The following CELSR1 variants were observed in gnomAD, a reference collection of about 807,000 sequenced individuals.
CELSR1 encodes the protein adhesion G protein-coupled receptor C1.
In CELSR1, 110 loss-of-function variants were observed where a neutral mutation model predicts 249.1. The observed-to-expected ratio is 0.44, with a 90% CI of 0.38 to 0.52. The LOEUF (loss-of-function observed/expected upper bound fraction) is 0.52. Among genes scored for constraint, CELSR1 ranks in the 20% least tolerant of loss-of-function variants. The pLI is 0.00. For synonymous variants in CELSR1, 2,113 were observed against 1,900.0 expected, an observed-to-expected ratio of 1.11 and a Z score of -2.92; for missense variants, 4,109 against 4,296.4, an observed-to-expected ratio of 0.96 and a Z score of 1.22.
intron 14 of CELSR1, among the ~76,000 whole-genome samples, chr22:46,392,595 T>TG (rs1340845231): frequency 2.0e-5 from 3 of 152,222 alleles, no homozygotes; most frequent in African/African-American, 7.2e-5. Context: ...CTCACTGTGT[T>TG]GCCCAGTCTG....
Position 46,446,667 on chromosome 22 carries a change from T to C in CELSR1, c.4184-7256A>G, listed in dbSNP as rs939620642. Among the ~76,000 whole-genome samples, 8 of 151,878 alleles carry C rather than the reference T, an allele frequency of 5.3e-5. No homozygotes were observed. Among genetic ancestry groups the C allele is most frequent in the African/African-American group, 1.7e-4 (7 of 41,336 alleles). On this transcript the variant is annotated intron_variant, in intron 2 of 34. Transcript: ENST00000674500. The surrounding 1 kb of genome is among the most constrained non-coding windows in gnomAD (Gnocchi z 5.5). ...ACTGACAGACACTTGTGAAATGAAG[T>C]CAAAAAATGCCAGGATTTCCCCAGT...
intron 5 of CELSR1, among the ~76,000 whole-genome samples, chr22:46,431,859 C>G (rs1319197039): frequency 6.6e-6 from 1 of 152,248 alleles, no homozygotes; most frequent in African/African-American, 2.4e-5. Flanking sequence ...CTGAGCCCCT[C>G]ACCCCACCAG....
rs888458693 is a variant in CELSR1 at position 46,382,779 on chromosome 22, G to A, written c.6884-729C>T. On this transcript the variant is annotated intron_variant, in intron 20 of 34. Coordinates refer to ENST00000674500, the MANE Select transcript of CELSR1 (RefSeq NM_001378328.1). ...GGTGAACCTAGCGGACATTAGGCTC[G>A]GTGAAATAAGCCAATCACAAAAGGA... Among the ~76,000 whole-genome samples the A allele has an allele frequency of 3.3e-5, 5 of 152,272 alleles. No individual in the cohort carries two copies. In the South Asian group the frequency reaches 6.2e-4, roughly 19 times the overall value.
intron 1 of CELSR1, among the ~76,000 whole-genome samples, chr22:46,477,478 A>G (rs971050004): frequency 2.1e-4 from 32 of 151,162 alleles, no homozygotes; most frequent in Admixed American, 1.8e-3. Context: ...TGAGTGGCCA[A>G]CGAGCCTGTT....
chr22:46,436,631 G>C lies in CELSR1; in HGVS notation c.4407-342C>G, dbSNP rs2079665025. ...GCAAAGCACGTGCTGTACATTTTCT[G>C]CTGCTGTGAACAGATCCCCCCGTGT... On this transcript the variant is annotated intron_variant, in intron 3 of 34. Transcript: ENST00000674500. The surrounding 1 kb of genome is among the most constrained non-coding windows in gnomAD (Gnocchi z 5.9). Among the ~76,000 whole-genome samples, 1 of 152,148 alleles carries C rather than the reference G, an allele frequency of 6.6e-6. No homozygotes were observed. The highest frequency in any genetic ancestry group is 1.5e-5 in the Non-Finnish European group (1 of 68,028).
In CELSR1 at chr22:46,440,841, G is replaced by A. The variant is rs995548224; in HGVS notation, c.4184-1430C>T. On this transcript the variant is annotated intron_variant, in intron 2 of 34. Transcript: ENST00000674500. This position sits in a 1 kb window ranked among gnomAD's most constrained non-coding sequence, Gnocchi z 4.7. ...ATCCATTTTTTTCTTCATGGCTCTG[G>A]TCATCTTGGGTTGTTAAAAGACTGC... Among the ~76,000 whole-genome samples, 3 of 151,964 alleles carry A rather than the reference G, an allele frequency of 2.0e-5. No individual in the cohort carries two copies. The highest frequency in any genetic ancestry group is 7.2e-5 in the African/African-American group (3 of 41,388).
chr22:46,443,405 A>T (rs2079778018), intron 2 of CELSR1, among the ~76,000 whole-genome samples: 1 of 151,996 alleles, frequency 6.6e-6, no homozygotes, highest in Non-Finnish European at 1.5e-5. Flanking sequence ...GGGGTTTCCC[A>T]CCCCACTCAG....
At chr22:46,385,876 A>G (rs2079027621) in intron 19 of CELSR1, among the ~76,000 whole-genome samples, 1 of 150,858 alleles carries the variant, frequency 6.6e-6, no homozygotes, top group African/African-American at 2.4e-5. Flanking sequence ...ACGGGGTTTC[A>G]CCATGTTAGC....
intron 1 of CELSR1, among the ~76,000 whole-genome samples, chr22:46,469,669 C>A (rs1166866219): frequency 1.3e-5 from 2 of 151,834 alleles, no homozygotes; most frequent in Admixed American, 1.3e-4. Flanking sequence ...ACGTACACCA[C>A]CACGCCTGGC....
intron 5 of CELSR1, among the ~76,000 whole-genome samples, chr22:46,420,416 TCA>T (rs992094517): frequency 4.6e-5 from 7 of 150,872 alleles, no homozygotes; most frequent in Middle Eastern, 3.5e-3. Flanking sequence ...GTGTGCTTCT[TCA>T]CACACGTGCA....
chr22:46,520,120 C>T (rs1276915287), intron 1 of CELSR1, among the ~76,000 whole-genome samples: 9 of 151,898 alleles, frequency 5.9e-5, no homozygotes, highest in Non-Finnish European at 1.2e-4. Flanking sequence ...GTGATCCACC[C>T]GCCTCGGCCT....
At chr22:46,503,527 C>T (rs2080485828) in intron 1 of CELSR1, among the ~76,000 whole-genome samples, 1 of 152,284 alleles carries the variant, frequency 6.6e-6, no homozygotes, top group South Asian at 2.1e-4. Flanking sequence ...ACTCAACCAA[C>T]TGCATCCAGC....
At chr22:46,533,233 T>C (rs575080073) in intron 1 of CELSR1, among the ~76,000 whole-genome samples, 1 of 152,184 alleles carries the variant, frequency 6.6e-6, no homozygotes, top group Non-Finnish European at 1.5e-5. Context: ...GGCAGTGACC[T>C]CTGATCTTCC....
In CELSR1 at chr22:46,390,888, C is replaced by T. The variant is rs934734546; in HGVS notation, c.6250+298G>A. Among the ~76,000 whole-genome samples, 13 of 152,204 alleles carry T rather than the reference C, an allele frequency of 8.5e-5. No individual in the cohort carries two copies. Among genetic ancestry groups the T allele is most frequent in the South Asian group, 2.1e-4 (1 of 4,834 alleles). ...ATGTCCCCATTTCACAGAGGTAACC[C>T]GATGCTATGAACAGTGAAGCCACTT... On this transcript the variant is annotated intron_variant, in intron 16 of 34. Coordinates refer to ENST00000674500, the MANE Select transcript of CELSR1 (RefSeq NM_001378328.1). This position sits in a 1 kb window ranked among gnomAD's most constrained non-coding sequence, Gnocchi z 6.3.
In CELSR1 at chr22:46,535,229, C is replaced by G; in HGVS notation, c.1942G>C (p.Glu648Gln). The change falls in exon 1 of 35, where the codon GAG (glutamate) becomes CAG (glutamine). Residue 648 changes from glutamate to glutamine, a missense_variant. Transcript: ENST00000674500. ...WITVCAELDR[E>Q]EVEHYSFGVE... is the part of the protein sequence containing the mutation. Reference sequence around the variant, plus strand: ...CCGAAGCTGTAGTGCTCCACCTCCTCGCGGTCCAGCTCGGCACACACTGTG... The same window carrying G: ...CCGAAGCTGTAGTGCTCCACCTCCTGGCGGTCCAGCTCGGCACACACTGTG... 1 of 1,609,798 alleles carries G rather than the reference C, an allele frequency of 6.2e-7. No individual in the cohort carries two copies. Among genetic ancestry groups the G allele is most frequent in the Non-Finnish European group, 8.5e-7 (1 of 1,179,980 alleles).
chr22:46,391,418 C>A lies in CELSR1; in HGVS notation c.6149-131G>T. ...ACCAAGAACCGAACCCTAGCATCTC[C>A]CCTGCCCCCATCCATGTCAGAGCTG... On this transcript the variant is annotated intron_variant, in intron 15 of 34. Coordinates refer to ENST00000674500, the MANE Select transcript of CELSR1 (RefSeq NM_001378328.1). The surrounding 1 kb of genome is among the most constrained non-coding windows in gnomAD (Gnocchi z 4.3). 1.1e-6 allele frequency: 1 copy of A among 915,992 alleles called. No homozygotes were observed. 56.7% of individuals were successfully genotyped at this position (915,992 alleles called of 1,614,324 possible).
Position 46,472,168 on chromosome 22 carries a change from G to C in CELSR1, c.3545-7823C>G, listed in dbSNP as rs1009084943. ...GACATGGGAAGGAGACAGAGCAGAC[G>C]GCAGAGCGCGAGGCTGCGGGGCCCT... On this transcript the variant is annotated intron_variant, in intron 1 of 34. Transcript: ENST00000674500. The surrounding 1 kb of genome is among the most constrained non-coding windows in gnomAD (Gnocchi z 7.0). Among the ~76,000 whole-genome samples, 1 of 152,214 alleles carries C rather than the reference G, an allele frequency of 6.6e-6. No homozygotes were observed. The highest frequency in any genetic ancestry group is 2.4e-5 in the African/African-American group (1 of 41,456).
rs530484604 is a variant in CELSR1, at chr22:46,426,679, G to A, written c.4611+6714C>T. 2.6e-5 allele frequency among the ~76,000 whole-genome samples: 4 copies of A among 152,298 alleles called. 1 individual carries two copies. The South Asian group carries it at 8.3e-4, about 32-fold the overall frequency. ...CGTGTTGAAACTTCATGGCCAATGGGATGGTTTCAAGAGATGGGCCCTTTA... is the reference window on the plus strand; with the variant it reads ...CGTGTTGAAACTTCATGGCCAATGGAATGGTTTCAAGAGATGGGCCCTTTA... On this transcript the variant is annotated intron_variant, in intron 5 of 34. Coordinates refer to ENST00000674500, the MANE Select transcript of CELSR1 (RefSeq NM_001378328.1).
Position 46,473,384 on chromosome 22 carries a change from G to C in CELSR1, c.3545-9039C>G, listed in dbSNP as rs1236210333. Among the ~76,000 whole-genome samples the C allele has an allele frequency of 6.6e-6, 1 of 152,158 alleles. No individual in the cohort carries two copies. The highest frequency in any genetic ancestry group is 1.5e-5 in the Non-Finnish European group (1 of 68,030). On this transcript the variant is annotated intron_variant, in intron 1 of 34. Coordinates refer to ENST00000674500, the MANE Select transcript of CELSR1 (RefSeq NM_001378328.1). This position sits in a 1 kb window ranked among gnomAD's most constrained non-coding sequence, Gnocchi z 6.6. ...CATGGGAGGGTCTGCTGAGGACATG[G>C]AGGAGGAAAGGCCAGTTTGTGACCC...
Sources: allele counts gnomAD v4.1 joint callset (sites outside exome capture counted in the v4.1 genomes callset), GRCh38; gene constraint gnomAD v4.1.1; non-coding constraint Gnocchi (gnomAD v3.1); transcripts MANE v1.5; gene names NCBI Gene and HGNC (gene_info 2026-07-23, HGNC 2026-07-21).